POLN: variants seen among roughly 807,000 people sequenced by gnomAD.
The protein encoded by POLN is DNA polymerase nu, also known as DNA polymerase N.
In POLN, 108 loss-of-function variants were observed where a neutral mutation model predicts 113.5. The ratio of observed to expected loss-of-function variants is 0.95; its 90% CI spans 0.81 to 1.12. The LOEUF (loss-of-function observed/expected upper bound fraction) is 1.12. Among genes scored for constraint, POLN ranks in the 50% most tolerant of loss-of-function variants. The pLI is 0.00. For missense variants in POLN, 1,097 were observed against 1,077.1 expected, an observed-to-expected ratio of 1.02 and a Z score of -0.26; for synonymous variants, 386 against 391.5, an observed-to-expected ratio of 0.99 and a Z score of 0.17.
intron 5 of POLN, among the ~76,000 whole-genome samples, chr4:2,207,628 A>G (rs2108763720): frequency 6.6e-6 from 1 of 152,320 alleles, no homozygotes; most frequent in Non-Finnish European, 1.5e-5. Context: ...AAGCACATGA[A>G]AAGATGCTCA....
intron 16 of POLN, among the ~76,000 whole-genome samples, chr4:2,153,739 C>T (rs1047072447): frequency 8.6e-5 from 13 of 151,946 alleles, no homozygotes; most frequent in South Asian, 2.1e-4. Context: ...CCCACTACCA[C>T]GCCCGGCTAA....
intron 24 of POLN, among the ~76,000 whole-genome samples, chr4:2,073,556 C>T (rs910991433): frequency 2.4e-4 from 37 of 152,222 alleles, no homozygotes; most frequent in African/African-American, 8.0e-4. Context: ...AGGCTGACCC[C>T]GTTGTTGGGG....
intron 2 of POLN, chr4:2,238,987 C>A (rs369909514): frequency 1.9e-6 from 3 of 1,578,654 alleles, no homozygotes; most frequent in Non-Finnish European, 2.6e-6. Context: ...TTTCAAGTTT[C>A]ATAATCTCAC....
intron 16 of POLN, among the ~76,000 whole-genome samples, chr4:2,147,645 T>TTTTTTTTTTTC (rs1220360863): frequency 3.8e-4 from 53 of 140,578 alleles, no homozygotes; most frequent in African/African-American, 1.3e-3. Context: ...TTTCTTTTCT[T>TTTTTTTTTTTC]TTTTTTTTTT....
At chr4:2,228,348 CTTTTTTTTT>C in intron 3 of POLN, 1 of 187,980 alleles carries the variant, frequency 5.3e-6, no homozygotes, top group Non-Finnish European at 1.1e-5. Context: ...ACTGCTTTCA[CTTTTTTTTT>C]TTTTTTTTTT....
chr4:2,179,552 T>C (rs1733082371), intron 7 of POLN, 87 bp from the exon 8 acceptor site: 7 of 1,260,828 alleles, frequency 5.6e-6, no homozygotes, highest in Non-Finnish European at 7.9e-6. Flanking sequence ...TTCAAACGAA[T>C]AGTAGTAGTA....
At chr4:2,148,539 C>T (rs557388839) in intron 16 of POLN, among the ~76,000 whole-genome samples, 42 of 152,096 alleles carry the variant, frequency 2.8e-4, no homozygotes, top group African/African-American at 9.2e-4. Flanking sequence ...TGGTGGCATG[C>T]GCCTGTAATC....
At chr4:2,115,003 A>G (rs973484760) in intron 19 of POLN, among the ~76,000 whole-genome samples, 5 of 150,968 alleles carry the variant, frequency 3.3e-5, no homozygotes, top group Non-Finnish European at 5.9e-5. Flanking sequence ...ATTCTTTCCT[A>G]TGGTGAAATC....
intron 16 of POLN, among the ~76,000 whole-genome samples, chr4:2,143,776 A>C (rs529445929): frequency 1.4e-4 from 21 of 152,234 alleles, no homozygotes; most frequent in Non-Finnish European, 2.5e-4. Flanking sequence ...TCCTTTAATA[A>C]ATATTAGCAT....
intron 8 of POLN, chr4:2,177,388 C>G: frequency 2.5e-6 from 1 of 394,904 alleles, no homozygotes; most frequent in South Asian, 1.8e-5. Flanking sequence ...CTGGAACTCT[C>G]TTCCATTTAT....
chr4:2,240,105 G>C, intron 2 of POLN: 27 of 1,613,902 alleles, frequency 1.7e-5, no homozygotes, highest in Non-Finnish European at 2.2e-5. Context: ...CGAATTACTT[G>C]CTTTTAAGTG....
chr4:2,230,661 GGT>G (rs1734548469), intron 2 of POLN: 1 of 151,582 alleles, frequency 6.6e-6, no homozygotes. Flanking sequence ...GTTTTCTGAT[GGT>G]TATAGCTAAA....
chr4:2,075,581 T>C, intron 23 of POLN, 62 bp from the exon 24 acceptor site: 1 of 1,575,114 alleles, frequency 6.3e-7, no homozygotes, highest in Non-Finnish European at 8.7e-7. Flanking sequence ...GCCACCAGCC[T>C]GGCAGGGAGG....
chr4:2,084,576 C>T (rs537296895), intron 21 of POLN, among the ~76,000 whole-genome samples: 1 of 152,384 alleles, frequency 6.6e-6, no homozygotes, highest in South Asian at 2.1e-4. Flanking sequence ...ACCTGCCCGT[C>T]TGCTGTGAGA....
chr4:2,100,276 A>T (rs1167341121), intron 19 of POLN, among the ~76,000 whole-genome samples: 1 of 152,132 alleles, frequency 6.6e-6, no homozygotes, highest in Non-Finnish European at 1.5e-5. Flanking sequence ...TTTGTAACCA[A>T]TGAAAATTAT....
At chr4:2,124,284 T>C (rs558939472) in intron 19 of POLN, among the ~76,000 whole-genome samples, 1 of 152,240 alleles carries the variant, frequency 6.6e-6, no homozygotes, top group Non-Finnish European at 1.5e-5. Context: ...TGTAACTTTA[T>C]TTTTTGAGAG....
intron 2 of POLN, chr4:2,240,065 C>G (rs1734915004): frequency 6.2e-7 from 1 of 1,613,690 alleles, no homozygotes; most frequent in South Asian, 1.1e-5. Context: ...GAAGACTCTC[C>G]TCTGCCCATT....
chr4:2,091,761 CTGTGTGTGTGTGTGTGTG>C (rs765518897), intron 20 of POLN, among the ~76,000 whole-genome samples: 11 of 145,214 alleles, frequency 7.6e-5, no homozygotes, highest in African/African-American at 2.1e-4. Context: ...ACACGTGAAT[CTGTGTGTGTGTGTGTGTG>C]TGTGTGTGTG....
chr4:2,125,738 A>T (rs1339335589), intron 19 of POLN, among the ~76,000 whole-genome samples: 1 of 152,108 alleles, frequency 6.6e-6, no homozygotes, highest in Non-Finnish European at 1.5e-5. Flanking sequence ...CCATCCTGCG[A>T]CCTTTCCTGA....
Sources: allele counts gnomAD v4.1 joint callset (sites outside exome capture counted in the v4.1 genomes callset), GRCh38; gene constraint gnomAD v4.1.1; transcripts MANE v1.5; gene names NCBI Gene and HGNC (gene_info 2026-07-23, HGNC 2026-07-21).